Variants in PCSK6 observed in about 807,000 individuals in gnomAD.
The protein encoded by PCSK6 is paired basic amino acid cleaving enzyme 4.
A neutral mutation model predicts 123.3 loss-of-function variants in PCSK6; 85 were observed. The observed-to-expected ratio is 0.69, with a 90% CI of 0.58 to 0.83. The LOEUF is 0.83. Ranked by LOEUF, PCSK6 falls within the 40% of genes least tolerant of loss-of-function variation. The pLI is 0.00. For missense variants in PCSK6, 1,191 were observed against 1,282.3 expected (o/e 0.93, Z 1.09); for synonymous variants, 508 against 516.0 (o/e 0.98, Z 0.21).
At chr15:101,320,494 G>T (rs1159223797) in intron 18 of PCSK6, among the ~76,000 whole-genome samples, 2 of 152,022 alleles carry the variant, frequency 1.3e-5, no homozygotes, top group African/African-American at 4.8e-5. Flanking sequence ...GTTGTATTTT[G>T]TGTGTGAGAG....
intron 8 of PCSK6, among the ~76,000 whole-genome samples, chr15:101,391,554 T>G (rs897948272): frequency 1.3e-5 from 2 of 152,130 alleles, no homozygotes; most frequent in African/African-American, 4.8e-5. Context: ...TTTCTTTAGG[T>G]TTTACTCCTC....
intron 6 of PCSK6, among the ~76,000 whole-genome samples, chr15:101,402,734 C>T (rs553633409): frequency 9.2e-4 from 140 of 152,322 alleles, no homozygotes; most frequent in Non-Finnish European, 1.5e-3. Flanking sequence ...TCATCTCACA[C>T]CAGTTAGAAT....
At position 101,384,520 on chromosome 15, in the gene PCSK6, C is replaced by A. The variant is rs187473085; in HGVS notation, c.1311-95G>T. On this transcript the variant is annotated intron_variant, in intron 9 of 21. Coordinates refer to ENST00000611716, the MANE Select transcript of PCSK6 (RefSeq NM_002570.5). ...CAGGGGGTCGGCAGCCAACCCACGT[C>A]TGAACTTCAGCAAGCCCCTCAGGCT... The A allele has an allele frequency of 3.2e-6, 3 of 939,336 alleles. No homozygotes were observed. The African/African-American group carries it at 4.8e-5, about 15-fold the overall frequency. The allele number at this position is 939,336 out of a possible 1,614,324, so 58.2% of individuals were successfully genotyped here.
At chr15:101,428,843 G>A (rs951628629) in intron 5 of PCSK6, among the ~76,000 whole-genome samples, 1 of 152,196 alleles carries the variant, frequency 6.6e-6, no homozygotes, top group Non-Finnish European at 1.5e-5. Flanking sequence ...GGGTCACAGA[G>A]CTCAATGGAT....
chr15:101,481,863 G>C (rs1312429348), intron 1 of PCSK6, among the ~76,000 whole-genome samples: 1 of 152,234 alleles, frequency 6.6e-6, no homozygotes, highest in Admixed American at 6.5e-5. Flanking sequence ...TTCCTAGAAG[G>C]ACTGGAGGGC....
intron 7 of PCSK6, among the ~76,000 whole-genome samples, chr15:101,395,085 T>A (rs1178607319): frequency 1.3e-5 from 2 of 152,228 alleles, no homozygotes; most frequent in East Asian, 3.8e-4. Flanking sequence ...ATTTAACCCA[T>A]CAGAGCCTGT....
At position 101,477,267 on chromosome 15, in the gene PCSK6, CTGTG is replaced by C. The variant is rs373784567; in HGVS notation, c.297+12103_297+12106del. ...TGCGTGTGTGTGTGTGTCTGTGTGT[CTGTG>C]TGTGTGTGCATGCATACCTACACAG... On this transcript the variant is annotated intron_variant, in intron 1 of 21. Transcript: ENST00000611716. Among the ~76,000 whole-genome samples the C allele has an allele frequency of 6.6e-3, 995 of 151,494 alleles. 5 individuals carry two copies. The highest frequency in any genetic ancestry group is 0.011 in the Non-Finnish European group (733 of 67,906).
At chr15:101,391,701 G>A (rs2042238812) in intron 8 of PCSK6, among the ~76,000 whole-genome samples, 1 of 152,164 alleles carries the variant, frequency 6.6e-6, no homozygotes, top group Non-Finnish European at 1.5e-5. Context: ...CTGAATGCTG[G>A]GACTGTGATA....
chr15:101,385,131 C>A (rs562381896), intron 9 of PCSK6, among the ~76,000 whole-genome samples: 214 of 152,250 alleles, frequency 1.4e-3, no homozygotes, highest in Admixed American at 2.0e-3. Flanking sequence ...GTCTTCCTAC[C>A]TCAGCCTCCC....
At chr15:101,351,201 G>A (rs539189274) in intron 13 of PCSK6, among the ~76,000 whole-genome samples, 4 of 152,296 alleles carry the variant, frequency 2.6e-5, no homozygotes, top group South Asian at 2.1e-4. Flanking sequence ...TATGGAAATC[G>A]ACAAATGCTA....
chr15:101,445,761 A>G (rs2056872769), intron 1 of PCSK6, among the ~76,000 whole-genome samples: 1 of 152,252 alleles, frequency 6.6e-6, no homozygotes, highest in African/African-American at 2.4e-5. Context: ...GTCAATTCCC[A>G]GTCAGGGACA....
chr15:101,343,113 C>A (rs1022493430), intron 13 of PCSK6, among the ~76,000 whole-genome samples: 4 of 152,086 alleles, frequency 2.6e-5, no homozygotes, highest in Non-Finnish European at 5.9e-5. Context: ...TTTATGTAAA[C>A]GTGTCAATTT....
intron 6 of PCSK6, among the ~76,000 whole-genome samples, chr15:101,401,131 A>G (rs1051112690): frequency 6.6e-6 from 1 of 152,270 alleles, no homozygotes; most frequent in African/African-American, 2.4e-5. Flanking sequence ...TTGTATTCAA[A>G]ATCAATGTCA....
At chr15:101,340,470 C>A (rs533133919) in intron 13 of PCSK6, among the ~76,000 whole-genome samples, 4 of 152,196 alleles carry the variant, frequency 2.6e-5, no homozygotes, top group African/African-American at 9.7e-5. Flanking sequence ...GATGCTCCAG[C>A]TTTTCCAAAG....
At chr15:101,321,668 T>C (rs2040124589) in intron 18 of PCSK6, among the ~76,000 whole-genome samples, 1 of 152,230 alleles carries the variant, frequency 6.6e-6, no homozygotes, top group Admixed American at 6.5e-5. Context: ...TGGGGGTGTG[T>C]TGCAGCCCTC....
chr15:101,378,809 G>A (rs762893044), intron 11 of PCSK6, among the ~76,000 whole-genome samples: 2 of 152,234 alleles, frequency 1.3e-5, no homozygotes, highest in African/African-American at 2.4e-5. Context: ...AAATGCCAAC[G>A]TATCACTTGG....
chr15:101,421,410 T>G (rs2056081268), intron 6 of PCSK6, among the ~76,000 whole-genome samples: 1 of 152,234 alleles, frequency 6.6e-6, no homozygotes, highest in Admixed American at 6.5e-5. Flanking sequence ...ACCAAATTTC[T>G]TTCCCCTTGA....
At position 101,380,653 on chromosome 15, in the gene PCSK6, A is replaced by G. The variant is rs999954250; in HGVS notation, c.1532+1439T>C. On this transcript the variant is annotated intron_variant, in intron 11 of 21. Transcript: ENST00000611716. ...CACGGGAGAAAAAGGTGATTTTTCAAAAGATCCTTCTGTGGCTATTCATCC... is the reference window on the plus strand; with the variant it reads ...CACGGGAGAAAAAGGTGATTTTTCAGAAGATCCTTCTGTGGCTATTCATCC... Among the ~76,000 whole-genome samples the G allele has an allele frequency of 5.9e-5, 9 of 152,328 alleles. No individual in the cohort carries two copies. The East Asian group carries it at 1.7e-3, about 29-fold the overall frequency.
intron 13 of PCSK6, among the ~76,000 whole-genome samples, chr15:101,352,137 ATTTTTTTTTT>A (rs56844456): frequency 2.1e-5 from 2 of 97,012 alleles, no homozygotes; most frequent in East Asian, 3.1e-4. Flanking sequence ...TATTTTTCTA[ATTTTTTTTTT>A]TTTTTTTTTT....
Sources: allele counts gnomAD v4.1 joint callset (sites outside exome capture counted in the v4.1 genomes callset), GRCh38; gene constraint gnomAD v4.1.1; transcripts MANE v1.5; gene names NCBI Gene and HGNC (gene_info 2026-07-23, HGNC 2026-07-21).